The following EFCAB6 variants were observed in gnomAD, a reference collection of about 807,000 sequenced individuals.
The protein encoded by EFCAB6 is EF-hand calcium binding domain 6.
In EFCAB6, 156 loss-of-function variants were observed where a neutral mutation model predicts 169.8. The ratio of observed to expected loss-of-function variants is 0.92; its 90% CI spans 0.81 to 1.05. The LOEUF (loss-of-function observed/expected upper bound fraction) is 1.05, where lower values mean the gene tolerates loss of function less well. Among genes scored for constraint, EFCAB6 ranks in the 50% least tolerant of loss-of-function variants. The pLI is 0.00. For missense variants in EFCAB6, 1,800 were observed against 1,829.1 expected (o/e 0.98, Z 0.29); for synonymous variants, 698 against 676.4 (o/e 1.03, Z -0.50).
chr22:43,579,006 G>T (rs148461452), intron 25 of EFCAB6, among the ~76,000 whole-genome samples: 1 of 144,816 alleles, frequency 6.9e-6, no homozygotes, highest in East Asian at 2.1e-4. Flanking sequence ...TTCCGTACAC[G>T]CAGGCATCAT....
At chr22:43,585,822 G>A (rs1022468254) in intron 24 of EFCAB6, among the ~76,000 whole-genome samples, 1 of 152,130 alleles carries the variant, frequency 6.6e-6, no homozygotes, top group Non-Finnish European at 1.5e-5. Context: ...TAAACATCAG[G>A]CTTCTTGCCA....
chr22:43,743,340 A>G (rs959971700), intron 6 of EFCAB6, among the ~76,000 whole-genome samples: 1 of 152,186 alleles, frequency 6.6e-6, no homozygotes, highest in Admixed American at 6.5e-5. Flanking sequence ...ATCCCAGTGT[A>G]TCAAATCGCC....
intron 21 of EFCAB6, among the ~76,000 whole-genome samples, chr22:43,614,533 C>T (rs528074628): frequency 7.1e-4 from 108 of 152,300 alleles, no homozygotes; most frequent in Non-Finnish European, 1.3e-3. Flanking sequence ...TCTCGTAAGA[C>T]GGCATAAGAG....
chr22:43,734,009 T>G (rs1297375379), intron 7 of EFCAB6, among the ~76,000 whole-genome samples: 6 of 152,062 alleles, frequency 3.9e-5, no homozygotes, highest in Admixed American at 1.3e-4. Flanking sequence ...GCCCGGCCAG[T>G]CCCCATTTCT....
intron 2 of EFCAB6, among the ~76,000 whole-genome samples, chr22:43,796,971 A>G (rs1323081498): frequency 6.6e-6 from 1 of 152,170 alleles, no homozygotes; most frequent in Non-Finnish European, 1.5e-5. Context: ...CTGAGCACCA[A>G]ATTAAGGTCA....
intron 12 of EFCAB6, among the ~76,000 whole-genome samples, chr22:43,679,977 A>AT (rs2057939310): frequency 6.6e-6 from 1 of 152,124 alleles, no homozygotes; most frequent in African/African-American, 2.4e-5. Flanking sequence ...ATGAAATTTA[A>AT]TTTTGATAAA....
chr22:43,675,335 T>C (rs1216367066), intron 13 of EFCAB6, among the ~76,000 whole-genome samples: 1 of 41,158 alleles, frequency 2.4e-5, no homozygotes, highest in Non-Finnish European at 6.1e-5. Context: ...TAATATATAA[T>C]ATAATATACT....
At chr22:43,604,427 T>C (rs2052762910) in intron 22 of EFCAB6, among the ~76,000 whole-genome samples, 1 of 152,238 alleles carries the variant, frequency 6.6e-6, no homozygotes, top group Non-Finnish European at 1.5e-5. Context: ...ACTTCCTTCA[T>C]GTTGAGCTTA....
At chr22:43,682,902 G>A (rs1416704676) in intron 12 of EFCAB6, among the ~76,000 whole-genome samples, 1 of 152,222 alleles carries the variant, frequency 6.6e-6, no homozygotes, top group Non-Finnish European at 1.5e-5. Context: ...CCATGCAATA[G>A]CATTCTAGTG....
At chr22:43,776,445 G>A (rs2061644005) in intron 3 of EFCAB6, among the ~76,000 whole-genome samples, 3 of 152,236 alleles carry the variant, frequency 2.0e-5, no homozygotes, top group Admixed American at 2.0e-4. Context: ...TAGGGTCATG[G>A]CGCACAGTGA....
At chr22:43,624,902 C>T (rs370500021) in intron 20 of EFCAB6, among the ~76,000 whole-genome samples, 12 of 152,048 alleles carry the variant, frequency 7.9e-5, no homozygotes, top group African/African-American at 9.7e-5. Flanking sequence ...CATGTTCGTT[C>T]GGCAGAGAAT....
rs546721788 is a variant in EFCAB6, at chr22:43,558,925, T to G, written c.3421-3829A>C. Among the ~76,000 whole-genome samples, 61 of 152,302 alleles carry G rather than the reference T, an allele frequency of 4.0e-4. 1 individual carries two copies. In the South Asian group the frequency reaches 0.013, roughly 32 times the overall value. On this transcript the variant is annotated intron_variant, in intron 26 of 31. Coordinates refer to ENST00000262726, the MANE Select transcript of EFCAB6 (RefSeq NM_022785.4). ...CCAAACCTGCAAAGTCTCTGAGACATGCCTGTATGAAGAAATGCCACATAC... is the reference window on the plus strand; with the variant it reads ...CCAAACCTGCAAAGTCTCTGAGACAGGCCTGTATGAAGAAATGCCACATAC...
chr22:43,681,921 G>A (rs1313848582), intron 12 of EFCAB6, among the ~76,000 whole-genome samples: 5 of 152,250 alleles, frequency 3.3e-5, no homozygotes, highest in Admixed American at 2.6e-4. Context: ...CACTTGCAGA[G>A]TTGGTGGCAG....
chr22:43,626,822 T>C (rs1173225010), intron 19 of EFCAB6, 143 bp from the exon 20 acceptor site: 7 of 711,622 alleles, frequency 9.8e-6, no homozygotes, highest in Non-Finnish European at 1.6e-5. Flanking sequence ...GAGACTTGGC[T>C]GTTCCAGGAA....
chr22:43,537,992 G>C lies in EFCAB6; in HGVS notation c.3880-447C>G, dbSNP rs1026951101. On this transcript the variant is annotated intron_variant, in intron 28 of 31. Coordinates refer to ENST00000262726, the MANE Select transcript of EFCAB6 (RefSeq NM_022785.4). The surrounding 1 kb of genome is among the most constrained non-coding windows in gnomAD (Gnocchi z 4.3). ...CATTATGTGGATCAAGTACGAGGCT[G>C]TTCTTTGCTTTATTGTATTTCCTAT... Among the ~76,000 whole-genome samples the C allele has an allele frequency of 1.3e-5, 2 of 152,196 alleles. No individual in the cohort carries two copies. Among genetic ancestry groups the C allele is most frequent in the African/African-American group, 4.8e-5 (2 of 41,456 alleles).
At chr22:43,631,778 G>C (rs1416724635) in intron 19 of EFCAB6, among the ~76,000 whole-genome samples, 2 of 152,006 alleles carry the variant, frequency 1.3e-5, no homozygotes, top group Non-Finnish European at 2.9e-5. Flanking sequence ...ATGGATGAGG[G>C]AATCAATGAG....
chr22:43,800,616 T>A (rs2062675295), intron 2 of EFCAB6, among the ~76,000 whole-genome samples: 1 of 152,154 alleles, frequency 6.6e-6, no homozygotes, highest in Admixed American at 6.5e-5. Context: ...TCAGAGAAAT[T>A]TAGCAGAGAT....
chr22:43,762,350 C>T (rs1465645923), intron 5 of EFCAB6, among the ~76,000 whole-genome samples: 2 of 152,176 alleles, frequency 1.3e-5, no homozygotes, highest in Non-Finnish European at 2.9e-5. Flanking sequence ...TGTCTCCATA[C>T]TCCAAATGGC....
At position 43,781,740 on chromosome 22, in the gene EFCAB6, T is replaced by C. The variant is rs147848775; in HGVS notation, c.139+440A>G. On this transcript the variant is annotated intron_variant, in intron 3 of 31. Coordinates refer to ENST00000262726, the MANE Select transcript of EFCAB6 (RefSeq NM_022785.4). ...GTAAAAATAATGTTATCAGTATGGG[T>C]TCATCGATTGTAACAAATGTACCAC... 8.8e-3 allele frequency among the ~76,000 whole-genome samples: 1,345 copies of C among 152,252 alleles called. 20 individuals carry two copies. Among genetic ancestry groups the C allele is most frequent in the African/African-American group, 0.031 (1,300 of 41,530 alleles).
Sources: allele counts gnomAD v4.1 joint callset (sites outside exome capture counted in the v4.1 genomes callset), GRCh38; gene constraint gnomAD v4.1.1; non-coding constraint Gnocchi (gnomAD v3.1); transcripts MANE v1.5; gene names NCBI Gene and HGNC (gene_info 2026-07-23, HGNC 2026-07-21).